DOK6: variants seen among roughly 807,000 people sequenced by gnomAD.
The protein encoded by DOK6 is docking protein 6.
In DOK6, 22 loss-of-function variants were observed where a neutral mutation model predicts 44.0. That is an observed-to-expected ratio of 0.50 (90% CI 0.36 to 0.71). The LOEUF (loss-of-function observed/expected upper bound fraction) is 0.71, where lower values mean the gene tolerates loss of function less well. Among genes scored for constraint, DOK6 ranks in the 30% least tolerant of loss-of-function variants. The pLI, the probability that DOK6 is intolerant of heterozygous loss-of-function variation, is 0.00. For missense variants in DOK6, 340 were observed against 416.4 expected (o/e 0.82, Z 1.60); for synonymous variants, 166 against 145.5 (o/e 1.14, Z -1.01).
intron 7 of DOK6, among the ~76,000 whole-genome samples, chr18:69,792,010 T>G (rs925026340): frequency 6.6e-6 from 1 of 152,246 alleles, no homozygotes; most frequent in Non-Finnish European, 1.5e-5. Context: ...GAAGAGATGG[T>G]CATTTCCCTA....
At chr18:69,568,129 G>C (rs1030986097) in intron 2 of DOK6, among the ~76,000 whole-genome samples, 3 of 152,166 alleles carry the variant, frequency 2.0e-5, no homozygotes, top group African/African-American at 7.2e-5. Flanking sequence ...GCTCCCCCAT[G>C]TTCAACTGCA....
At chr18:69,817,208 G>A (rs533748224) in intron 7 of DOK6, among the ~76,000 whole-genome samples, 5 of 151,946 alleles carry the variant, frequency 3.3e-5, no homozygotes, top group Admixed American at 6.6e-5. Flanking sequence ...AAATGTTTAC[G>A]TCTTGAACTG....
At chr18:69,697,994 A>ATC (rs35887238) in intron 4 of DOK6, among the ~76,000 whole-genome samples, 13,995 of 152,156 alleles carry the variant, frequency 0.092, 933 homozygotes, top group African/African-American at 0.19. Context: ...ATCAAATAAG[A>ATC]TCTTGCCTAA....
chr18:69,622,811 T>C (rs1315919218), intron 3 of DOK6, among the ~76,000 whole-genome samples: 1 of 152,208 alleles, frequency 6.6e-6, no homozygotes, highest in Non-Finnish European at 1.5e-5. Flanking sequence ...TTATTGATCC[T>C]CTTGAAAATT....
intron 7 of DOK6, among the ~76,000 whole-genome samples, chr18:69,811,553 TATATATATATATATATATATATATCA>T (rs199557736): frequency 0.13 from 2,710 of 21,066 alleles, 66 homozygotes; most frequent in East Asian, 0.35. Context: ...TATATATATA[TATATATATATATATATATATATATCA>T]AAACACTACG....
intron 1 of DOK6, among the ~76,000 whole-genome samples, chr18:69,517,115 A>G (rs1981549013): frequency 6.6e-6 from 1 of 152,222 alleles, no homozygotes; most frequent in South Asian, 2.1e-4. Context: ...GTTTGTGGAT[A>G]TGAACTCATA....
intron 7 of DOK6, among the ~76,000 whole-genome samples, chr18:69,780,733 C>G (rs565104257): frequency 6.6e-6 from 1 of 152,114 alleles, no homozygotes; most frequent in Non-Finnish European, 1.5e-5. Flanking sequence ...GCTATGTATG[C>G]GAGTATATTC....
In DOK6 at chr18:69,560,746, C is replaced by T. The variant is rs1027905464; in HGVS notation, c.67-3741C>T. ...TACCTTCTATGCACTGCGGCATGAGCTTTACATACTTAATTTTTTAACACT... is the reference window on the plus strand; with the variant it reads ...TACCTTCTATGCACTGCGGCATGAGTTTTACATACTTAATTTTTTAACACT... On this transcript the variant is annotated intron_variant, in intron 1 of 7. Coordinates refer to ENST00000382713, the MANE Select transcript of DOK6 (RefSeq NM_152721.6). Among the ~76,000 whole-genome samples the T allele has an allele frequency of 2.6e-5, 4 of 152,076 alleles. No individual in the cohort carries two copies. In the South Asian group the frequency reaches 6.2e-4, roughly 24 times the overall value.
intron 7 of DOK6, among the ~76,000 whole-genome samples, chr18:69,831,545 A>T (rs1338375049): frequency 1.3e-5 from 2 of 152,220 alleles, no homozygotes; most frequent in Non-Finnish European, 1.5e-5. Flanking sequence ...CATGAAATAC[A>T]TGCTCAATGA....
intron 3 of DOK6, among the ~76,000 whole-genome samples, chr18:69,613,102 C>G (rs191719873): frequency 1.3e-5 from 2 of 152,154 alleles, no homozygotes; most frequent in Non-Finnish European, 2.9e-5. Context: ...AACTCCTGGG[C>G]TCAAGCCATC....
chr18:69,809,597 A>ACACAC (rs1568132493), intron 7 of DOK6, among the ~76,000 whole-genome samples: 1 of 133,850 alleles, frequency 7.5e-6, no homozygotes, highest in African/African-American at 3.2e-5. Flanking sequence ...CACACACACA[A>ACACAC]AAGAAAGAAA....
intron 1 of DOK6, among the ~76,000 whole-genome samples, chr18:69,427,369 A>G (rs1012542329): frequency 2.0e-5 from 3 of 149,704 alleles, no homozygotes; most frequent in African/African-American, 4.9e-5. Flanking sequence ...AATCATATGA[A>G]AAAAAGCATA....
At chr18:69,668,830 G>A (rs907163875) in intron 3 of DOK6, among the ~76,000 whole-genome samples, 1 of 152,114 alleles carries the variant, frequency 6.6e-6, no homozygotes, top group African/African-American at 2.4e-5. Context: ...GAACAAAAAA[G>A]GTTAAAACAC....
chr18:69,821,378 G>A (rs1981564349), intron 7 of DOK6, among the ~76,000 whole-genome samples: 1 of 152,030 alleles, frequency 6.6e-6, no homozygotes, highest in Admixed American at 6.6e-5. Flanking sequence ...CTGTTACGGG[G>A]GTGGCAGTGA....
intron 3 of DOK6, among the ~76,000 whole-genome samples, chr18:69,650,629 C>A (rs1330996785): frequency 1.3e-5 from 2 of 152,184 alleles, no homozygotes; most frequent in Non-Finnish European, 2.9e-5. Context: ...GTGACCCTTG[C>A]TGTTCAACGG....
chr18:69,458,527 G>T (rs1405044043), intron 1 of DOK6, among the ~76,000 whole-genome samples: 3 of 152,118 alleles, frequency 2.0e-5, no homozygotes, highest in Non-Finnish European at 4.4e-5. Flanking sequence ...ACATAGTACT[G>T]GAAGTCCTAG....
chr18:69,545,516 C>CA (rs397760145), intron 1 of DOK6, among the ~76,000 whole-genome samples: 7,141 of 69,438 alleles, frequency 0.1, 419 homozygotes, highest in African/African-American at 0.19. Context: ...AGTGAAATAC[C>CA]AAAAAAAAAA....
intron 2 of DOK6, among the ~76,000 whole-genome samples, chr18:69,597,503 A>G (rs1290763382): frequency 2.0e-5 from 3 of 148,708 alleles, no homozygotes; most frequent in Non-Finnish European, 4.5e-5. Context: ...TATCTAACAC[A>G]TGTATTTTCT....
chr18:69,477,660 A>G (rs1980304741), intron 1 of DOK6, among the ~76,000 whole-genome samples: 1 of 152,210 alleles, frequency 6.6e-6, no homozygotes, highest in African/African-American at 2.4e-5. Context: ...AGATGACCCA[A>G]TTCTTGTTTT....
Sources: allele counts gnomAD v4.1 joint callset (sites outside exome capture counted in the v4.1 genomes callset), GRCh38; gene constraint gnomAD v4.1.1; transcripts MANE v1.5; gene names NCBI Gene and HGNC (gene_info 2026-07-23, HGNC 2026-07-21).